CDH10: variants seen among roughly 807,000 people sequenced by gnomAD.
CDH10 encodes the protein cadherin 10, also known as cadherin-10.
In CDH10, 30 loss-of-function variants were observed where a neutral mutation model predicts 73.1. The ratio of observed to expected loss-of-function variants is 0.41; its 90% CI spans 0.31 to 0.56. The LOEUF is 0.56. Ranked by LOEUF, CDH10 falls within the 20% of genes least tolerant of loss-of-function variation. CDH10 has a pLI of 0.27. For missense variants in CDH10, 815 were observed against 973.7 expected, an observed-to-expected ratio of 0.84 and a Z score of 2.17; for synonymous variants, 345 against 348.2, an observed-to-expected ratio of 0.99 and a Z score of 0.10.
In CDH10 at chr5:24,593,671, T is replaced by G. The variant is rs1579453684; in HGVS notation, c.-123-58A>C. 2.0e-5 allele frequency: 11 copies of G among 538,310 alleles called. No individual in the cohort carries two copies. In the East Asian group the frequency reaches 3.0e-4, roughly 15 times the overall value. The allele number at this position is 538,310 out of a possible 1,614,324, so 33.3% of individuals were successfully genotyped here. Reference sequence around the variant, plus strand: ...TTGACAACATTATCATTATTACTTTTCATTTAAAATTTAAAGTGACAATAG... The same window carrying G: ...TTGACAACATTATCATTATTACTTTGCATTTAAAATTTAAAGTGACAATAG... On this transcript the variant is annotated intron_variant, in intron 1 of 11. Transcript: ENST00000264463.
chr5:24,603,116 T>C (rs539470443), intron 1 of CDH10, among the ~76,000 whole-genome samples: 1 of 152,282 alleles, frequency 6.6e-6, no homozygotes, highest in South Asian at 2.1e-4. Flanking sequence ...GTGAAACAGC[T>C]GTGATATATC....
intron 2 of CDH10, among the ~76,000 whole-genome samples, chr5:24,564,890 C>T (rs1326228685): frequency 6.6e-6 from 1 of 152,154 alleles, no homozygotes; most frequent in Admixed American, 6.5e-5. Flanking sequence ...CTGTGCAAGG[C>T]TGCCCTGCTC....
chr5:24,503,212 T>A (rs1742560832), intron 8 of CDH10, among the ~76,000 whole-genome samples: 2 of 152,166 alleles, frequency 1.3e-5, no homozygotes, highest in Admixed American at 6.5e-5. Flanking sequence ...TTCAAATAAA[T>A]AACTTGACCT....
chr5:24,612,214 C>T (rs1380080355), intron 1 of CDH10: 1 of 152,034 alleles, frequency 6.6e-6, no homozygotes, highest in Non-Finnish European at 1.5e-5. Context: ...ATTAGATATT[C>T]TACATTTTAG....
intron 1 of CDH10, among the ~76,000 whole-genome samples, chr5:24,626,063 C>T (rs948131317): frequency 5.3e-5 from 8 of 152,036 alleles, no homozygotes; most frequent in African/African-American, 1.7e-4. Context: ...AACATTTGTG[C>T]TTATAATGCT....
chr5:24,626,398 A>G (rs1180300936), intron 1 of CDH10, among the ~76,000 whole-genome samples: 1 of 152,120 alleles, frequency 6.6e-6, no homozygotes, highest in Non-Finnish European at 1.5e-5. Flanking sequence ...CAGAGGCCTC[A>G]AGGAGGCATG....
At chr5:24,624,517 T>C (rs1440622366) in intron 1 of CDH10, among the ~76,000 whole-genome samples, 1 of 152,120 alleles carries the variant, frequency 6.6e-6, no homozygotes, top group Non-Finnish European at 1.5e-5. Context: ...AAAGTTTCCG[T>C]GTCAGAATAT....
chr5:24,549,639 C>T (rs1423151841), intron 2 of CDH10, among the ~76,000 whole-genome samples: 4 of 151,596 alleles, frequency 2.6e-5, no homozygotes, highest in African/African-American at 9.7e-5. Context: ...GCAACCTCCG[C>T]CTCCTGGGTT....
chr5:24,495,619 T>G (rs1323022702), intron 9 of CDH10, among the ~76,000 whole-genome samples: 1 of 151,994 alleles, frequency 6.6e-6, no homozygotes, highest in Admixed American at 6.6e-5. Flanking sequence ...GAGGTCAAGG[T>G]GGGCGGATCA....
rs368642166 is a variant in CDH10 at position 24,536,012 on chromosome 5, T to A, written c.527-190A>T. 1.2e-3 allele frequency among the ~76,000 whole-genome samples: 189 copies of A among 152,236 alleles called. 1 individual carries two copies. Among genetic ancestry groups the A allele is most frequent in the Middle Eastern group, 0.01 (3 of 294 alleles). On this transcript the variant is annotated intron_variant, in intron 3 of 11. Transcript: ENST00000264463. ...GTAAACTCTGAGTTCAAATACATAA[T>A]ATTTATTTAGTCAACATGTCTATTT...
chr5:24,560,035 T>A (rs913935888), intron 2 of CDH10, among the ~76,000 whole-genome samples: 1 of 152,098 alleles, frequency 6.6e-6, no homozygotes. Context: ...TGTGAACACC[T>A]GACTATTTGT....
chr5:24,539,078 A>G (rs1378864116), intron 2 of CDH10, among the ~76,000 whole-genome samples: 1 of 152,056 alleles, frequency 6.6e-6, no homozygotes, highest in Non-Finnish European at 1.5e-5. Context: ...ATCATTATAG[A>G]CATGTTTTAT....
rs1743044428 is a variant in CDH10, at chr5:24,514,660, T to C, written c.815-3146A>G. On this transcript the variant is annotated intron_variant, in intron 5 of 11. Coordinates refer to ENST00000264463, the MANE Select transcript of CDH10 (RefSeq NM_006727.5). ...ATCACTGCCCCAATGAAAGCACTTA[T>C]TGTTGATGTTAAGTGTTTAATTTCA... 2.0e-5 allele frequency among the ~76,000 whole-genome samples: 3 copies of C among 152,180 alleles called. No individual in the cohort carries two copies. The South Asian group carries it at 6.2e-4, about 32-fold the overall frequency.
chr5:24,513,161 G>C (rs1742984811), intron 5 of CDH10, among the ~76,000 whole-genome samples: 1 of 151,860 alleles, frequency 6.6e-6, no homozygotes, highest in African/African-American at 2.4e-5. Flanking sequence ...TGGGACTATA[G>C]GCACCTGCCA....
At chr5:24,517,623 G>T (rs1478371966) in intron 5 of CDH10, among the ~76,000 whole-genome samples, 1 of 152,034 alleles carries the variant, frequency 6.6e-6, no homozygotes, top group Non-Finnish European at 1.5e-5. Context: ...CAATATCTTA[G>T]TGACAAACAA....
At chr5:24,515,521 C>T (rs558176197) in intron 5 of CDH10, among the ~76,000 whole-genome samples, 7 of 152,238 alleles carry the variant, frequency 4.6e-5, no homozygotes, top group Admixed American at 6.5e-5. Context: ...AAAATGTTTC[C>T]GTTTACAATC....
chr5:24,562,510 T>C (rs1388524094), intron 2 of CDH10, among the ~76,000 whole-genome samples: 1 of 152,130 alleles, frequency 6.6e-6, no homozygotes, highest in Non-Finnish European at 1.5e-5. Context: ...AGAGCATAAA[T>C]TCAACTTGTC....
chr5:24,580,735 C>A (rs899816650), intron 2 of CDH10, among the ~76,000 whole-genome samples: 2 of 152,116 alleles, frequency 1.3e-5, no homozygotes, highest in African/African-American at 2.4e-5. Context: ...AATTAATTTT[C>A]TTATAGCTGT....
At chr5:24,613,311 T>C (rs1429105926) in intron 1 of CDH10, 1 of 152,130 alleles carries the variant, frequency 6.6e-6, no homozygotes, top group African/African-American at 2.4e-5. Flanking sequence ...TCTCTGCTGT[T>C]AATATATCTA....
Sources: gnomAD v4.1 joint callset for allele counts (sites outside exome capture counted in the v4.1 genomes callset) on GRCh38, gnomAD v4.1.1 for gene constraint, MANE v1.5 for transcripts, NCBI Gene and HGNC (gene_info 2026-07-23, HGNC 2026-07-21) for gene names.